FAM117B: variants seen among roughly 807,000 people sequenced by gnomAD.
The protein encoded by FAM117B is protein FAM117B.
A neutral mutation model predicts 52.8 loss-of-function variants in FAM117B; 22 were observed. The ratio of observed to expected loss-of-function variants is 0.42; its 90% confidence interval spans 0.30 to 0.59. FAM117B has a LOEUF of 0.59. Ranked by LOEUF, FAM117B falls within the 20% of genes least tolerant of loss-of-function variation. FAM117B has a pLI of 0.22. For missense variants in FAM117B, 678 were observed against 802.6 expected (o/e 0.84, Z 1.88); for synonymous variants, 309 against 324.1 (o/e 0.95, Z 0.50).
chr2:202,683,385 A>C (rs1690492793), intron 1 of FAM117B, among the ~76,000 whole-genome samples: 1 of 152,200 alleles, frequency 6.6e-6, no homozygotes, highest in Admixed American at 6.5e-5. Context: ...AAATTAGTTA[A>C]ATCACAGGCA....
intron 4 of FAM117B, among the ~76,000 whole-genome samples, chr2:202,739,309 G>A (rs1363650040): frequency 6.6e-6 from 1 of 151,974 alleles, no homozygotes; most frequent in African/African-American, 2.4e-5. Flanking sequence ...ATGGTCCTGT[G>A]GTATATCATA....
At chr2:202,673,433 GTTTTTTTTTTTTTT>G (rs1158185300) in intron 1 of FAM117B, among the ~76,000 whole-genome samples, 15 of 37,510 alleles carry the variant, frequency 4.0e-4, no homozygotes, top group Admixed American at 9.9e-4. Context: ...TTCTTTTTCT[GTTTTTTTTTTTTTT>G]TTTTTTTTTT....
intron 1 of FAM117B, among the ~76,000 whole-genome samples, chr2:202,652,317 C>T (rs1465132484): frequency 6.6e-6 from 1 of 151,902 alleles, no homozygotes; most frequent in Non-Finnish European, 1.5e-5. Context: ...CCCAGGCTGG[C>T]CTCAAACTCA....
At chr2:202,656,493 T>C (rs1173001622) in intron 1 of FAM117B, among the ~76,000 whole-genome samples, 4 of 152,196 alleles carry the variant, frequency 2.6e-5, no homozygotes, top group African/African-American at 7.2e-5. Flanking sequence ...TTTTATTCAG[T>C]TTTTAAATAT....
At chr2:202,708,267 GA>G (rs1245868711) in intron 2 of FAM117B, among the ~76,000 whole-genome samples, 1 of 152,078 alleles carries the variant, frequency 6.6e-6, no homozygotes, top group Admixed American at 6.5e-5. Context: ...TTCCATTTCT[GA>G]TTCTATGATT....
At chr2:202,715,134 C>T (rs1357723386) in intron 2 of FAM117B, among the ~76,000 whole-genome samples, 12 of 151,330 alleles carry the variant, frequency 7.9e-5, no homozygotes, top group African/African-American at 2.4e-4. Context: ...CCCCACCTCC[C>T]GGACGGGGCG....
chr2:202,694,188 C>CTTTT lies in FAM117B; in HGVS notation c.602-1675_602-1672dup, dbSNP rs757843381. On this transcript the variant is annotated intron_variant, in intron 1 of 7. Transcript: ENST00000392238. ...GAAGATGTTATTGCAAAACCCACTT[C>CTTTT]TTTTTTTTTTTTTTTTTTTTTGAGA... 2.8e-3 allele frequency among the ~76,000 whole-genome samples: 274 copies of CTTTT among 99,020 alleles called. 5 individuals are homozygous for CTTTT. The highest frequency in any genetic ancestry group is 3.7e-3 in the Non-Finnish European group (188 of 51,048). The allele number at this position is 99,020 out of a possible 152,430, so 65.0% of individuals were successfully genotyped here. A position where few individuals can be genotyped will look rare whatever the true frequency, so the allele number is the denominator to read the frequency against.
At chr2:202,737,863 A>G (rs1691466706) in intron 4 of FAM117B, among the ~76,000 whole-genome samples, 1 of 152,072 alleles carries the variant, frequency 6.6e-6, no homozygotes, top group African/African-American at 2.4e-5. Flanking sequence ...CGACCTCCCA[A>G]AGTGCTGGGA....
chr2:202,672,663 ATTTCCTT>A (rs1461006652), intron 1 of FAM117B, among the ~76,000 whole-genome samples: 2 of 152,190 alleles, frequency 1.3e-5, no homozygotes, highest in Admixed American at 6.5e-5. Context: ...AATTTTCTTA[ATTTCCTT>A]TTTAAAGTTT....
chr2:202,682,846 T>C (rs1690483019), intron 1 of FAM117B, among the ~76,000 whole-genome samples: 1 of 152,180 alleles, frequency 6.6e-6, no homozygotes, highest in Non-Finnish European at 1.5e-5. Context: ...TGAATGGTAA[T>C]GAAAGCACAT....
At chr2:202,711,203 A>G (rs1437697964) in intron 2 of FAM117B, among the ~76,000 whole-genome samples, 1 of 152,098 alleles carries the variant, frequency 6.6e-6, no homozygotes, top group African/African-American at 2.4e-5. Context: ...CTTTTTCTCC[A>G]CATCCTTGCC....
intron 1 of FAM117B, among the ~76,000 whole-genome samples, chr2:202,652,052 TAAAAAAAA>T (rs1227648534): frequency 3.0e-5 from 3 of 98,632 alleles, no homozygotes; most frequent in East Asian, 5.8e-4. Flanking sequence ...AAACTCTGTC[TAAAAAAAA>T]AAAAAAAAAA....
chr2:202,668,898 C>T (rs375330445), intron 1 of FAM117B, among the ~76,000 whole-genome samples: 4 of 152,034 alleles, frequency 2.6e-5, no homozygotes, highest in South Asian at 4.1e-4. Flanking sequence ...ATGTCTGCTT[C>T]GTTTTGGGGA....
intron 4 of FAM117B, among the ~76,000 whole-genome samples, chr2:202,749,896 G>A (rs1485540748): frequency 6.6e-6 from 1 of 152,162 alleles, no homozygotes; most frequent in Admixed American, 6.5e-5. Context: ...GTTTAAGTAT[G>A]TTCTTAAGTC....
At chr2:202,695,512 G>A (rs1690697445) in intron 1 of FAM117B, among the ~76,000 whole-genome samples, 1 of 152,132 alleles carries the variant, frequency 6.6e-6, no homozygotes, top group Non-Finnish European at 1.5e-5. Context: ...GACTGTCATG[G>A]TTTTGCAGTG....
At chr2:202,667,475 T>TCTGTGTTTGTGTGTGCGTGCGC (rs1476957940) in intron 1 of FAM117B, among the ~76,000 whole-genome samples, 88 of 152,270 alleles carry the variant, frequency 5.8e-4, no homozygotes, top group Non-Finnish European at 1.1e-3. Context: ...TGTGTGTGTG[T>TCTGTGTTTGTGTGTGCGTGCGC]CTGTGTTTGT....
At position 202,683,272 on chromosome 2, in the gene FAM117B, T is replaced by C. The variant is rs558047129; in HGVS notation, c.602-12609T>C. 1.3e-4 allele frequency among the ~76,000 whole-genome samples: 19 copies of C among 150,730 alleles called. No homozygotes were observed. In the East Asian group the frequency reaches 3.7e-3, roughly 30 times the overall value. ...GAACCCTGGGAGGCGGAGGGTACAG[T>C]CAGCCGAGATCACACCACTACACTC... On this transcript the variant is annotated intron_variant, in intron 1 of 7. Transcript: ENST00000392238.
chr2:202,638,533 A>G (rs1689720197), intron 1 of FAM117B, among the ~76,000 whole-genome samples: 1 of 152,114 alleles, frequency 6.6e-6, no homozygotes. Flanking sequence ...CATCCCGTAG[A>G]GTATTTGCTG....
chr2:202,648,771 A>T (rs977025546), intron 1 of FAM117B, among the ~76,000 whole-genome samples: 1 of 150,610 alleles, frequency 6.6e-6, no homozygotes, highest in Non-Finnish European at 1.5e-5. Context: ...ATTATTTTTT[A>T]TTTTTTTTGA....
Sources: allele counts gnomAD v4.1 joint callset (sites outside exome capture counted in the v4.1 genomes callset), GRCh38; gene constraint gnomAD v4.1.1; transcripts MANE v1.5; gene names NCBI Gene and HGNC (gene_info 2026-07-23, HGNC 2026-07-21).